PHACTR2: variants seen among roughly 807,000 people sequenced by gnomAD.
PHACTR2 encodes the protein chromosome 6 open reading frame 56.
PHACTR2 carries 30 observed loss-of-function variants against 76.0 expected under a neutral mutation model. That is an observed-to-expected ratio of 0.39 (90% CI 0.30 to 0.54). The LOEUF (loss-of-function observed/expected upper bound fraction) is 0.54, where lower values mean the gene tolerates loss of function less well. Among genes scored for constraint, PHACTR2 ranks in the 20% least tolerant of loss-of-function variants. The pLI, the probability that PHACTR2 is intolerant of heterozygous loss-of-function variation, is 0.61. For synonymous variants in PHACTR2, 292 were observed against 292.5 expected (o/e 1.00, Z 0.02); for missense variants, 696 against 781.1 (o/e 0.89, Z 1.30).
At chr6:143,719,381 C>A (rs1410504444) in intron 2 of PHACTR2, among the ~76,000 whole-genome samples, 1 of 129,250 alleles carries the variant, frequency 7.7e-6, no homozygotes, top group African/African-American at 2.9e-5. Flanking sequence ...GAGACAGAGT[C>A]TCACTCTCGC....
intron 2 of PHACTR2, among the ~76,000 whole-genome samples, chr6:143,723,504 T>C (rs768801192): frequency 1.3e-5 from 2 of 152,222 alleles, no homozygotes; most frequent in Non-Finnish European, 2.9e-5. Flanking sequence ...AGCTCCTCAG[T>C]GACCACTTTT....
chr6:143,748,202 G>A (rs1470630922), intron 2 of PHACTR2, among the ~76,000 whole-genome samples: 1 of 152,070 alleles, frequency 6.6e-6, no homozygotes, highest in East Asian at 1.9e-4. Flanking sequence ...AATAGCTGGG[G>A]TTACAGGTGC....
rs771723085 is a variant in PHACTR2, at chr6:143,775,645, A to G, written c.1589+1430A>G. ...TGTTTTGTACTTTCTACTCTATGTA[A>G]GAGAGTATATGCTTCTAGGTTTTCT... On this transcript the variant is annotated intron_variant, in intron 8 of 12. Transcript: ENST00000440869. This position sits in a 1 kb window ranked among gnomAD's most constrained non-coding sequence, Gnocchi z 4.4. Among the ~76,000 whole-genome samples, 1 of 152,224 alleles carries G rather than the reference A, an allele frequency of 6.6e-6. No individual in the cohort carries two copies. Among genetic ancestry groups the G allele is most frequent in the African/African-American group, 2.4e-5 (1 of 41,452 alleles).
At chr6:143,802,213 T>C (rs545585110) in intron 11 of PHACTR2, among the ~76,000 whole-genome samples, 18 of 152,278 alleles carry the variant, frequency 1.2e-4, no homozygotes, top group Non-Finnish European at 2.2e-4. Flanking sequence ...GCTTTGTTGT[T>C]GTTGTTGTTT....
rs142637402 is a variant in PHACTR2 at position 143,659,420 on chromosome 6, C to A, written c.13+51098C>A. On this transcript the variant is annotated intron_variant, in intron 1 of 11. Transcript: ENST00000305766. The surrounding 1 kb of genome is among the most constrained non-coding windows in gnomAD (Gnocchi z 5.0). The stretch of plus-strand genomic sequence containing the variant: ...GCAGTCAAGGTGTCAGTAGGGATGT[C>A]GTCTCATCCAAGGCTTGACTGAGGA... Among the ~76,000 whole-genome samples, 1 of 152,124 alleles carries A rather than the reference C, an allele frequency of 6.6e-6. No homozygotes were observed. The highest frequency in any genetic ancestry group is 2.4e-5 in the African/African-American group (1 of 41,416).
rs1443853157 is a variant in PHACTR2 at position 143,793,797 on chromosome 6, G to T, written c.1845+4887G>T. Among the ~76,000 whole-genome samples the T allele has an allele frequency of 1.3e-5, 2 of 151,986 alleles. No homozygotes were observed. Among genetic ancestry groups the T allele is most frequent in the East Asian group, 3.9e-4 (2 of 5,190 alleles). On this transcript the variant is annotated intron_variant, in intron 11 of 12. Coordinates refer to ENST00000440869, the MANE Select transcript of PHACTR2 (RefSeq NM_001100164.2). This position sits in a 1 kb window ranked among gnomAD's most constrained non-coding sequence, Gnocchi z 4.4. ...CCGGGTGTGGTGGCGCGTACCTGTA[G>T]TCCCAGCTACTCGGGAAGCTGAGGT...
intron 1 of PHACTR2, among the ~76,000 whole-genome samples, chr6:143,555,786 A>T (rs2128428114): frequency 6.6e-6 from 1 of 152,200 alleles, no homozygotes; most frequent in African/African-American, 2.4e-5. Context: ...GTTTTGGTGA[A>T]ATGTTGACGC....
intron 2 of PHACTR2, among the ~76,000 whole-genome samples, chr6:143,741,400 G>A (rs535548800): frequency 7.2e-5 from 11 of 152,330 alleles, no homozygotes; most frequent in Non-Finnish European, 1.6e-4. Flanking sequence ...GGCTGAGGCA[G>A]GAGAATCGCT....
chr6:143,767,509 C>T lies in PHACTR2; in HGVS notation c.1232+1711C>T, dbSNP rs560138908. On this transcript the variant is annotated intron_variant, in intron 6 of 12. Transcript: ENST00000440869. The surrounding 1 kb of genome is among the most constrained non-coding windows in gnomAD (Gnocchi z 4.4). ...GGAAAAGAAGATTTATTGAAATGAA[C>T]GGTTATGGTGTCTTTCTTAGGACAT... Among the ~76,000 whole-genome samples, 13 of 152,168 alleles carry T rather than the reference C, an allele frequency of 8.5e-5. No homozygotes were observed. Among genetic ancestry groups the T allele is most frequent in the South Asian group, 2.1e-4 (1 of 4,822 alleles).
In PHACTR2 at chr6:143,624,969, A is replaced by G. The variant is rs1175406369; in HGVS notation, c.13+16647A>G. On this transcript the variant is annotated intron_variant, in intron 1 of 11. Transcript: ENST00000305766. The surrounding 1 kb of genome is among the most constrained non-coding windows in gnomAD (Gnocchi z 4.6). ...TCAGGAGTACAAGACCAGCCTGGTC[A>G]ACATGGTGAAAACCCGTATCTACTG... 6.6e-6 allele frequency among the ~76,000 whole-genome samples: 1 copy of G among 152,148 alleles called. No homozygotes were observed. The highest frequency in any genetic ancestry group is 1.5e-5 in the Non-Finnish European group (1 of 68,024).
intron 12 of PHACTR2, among the ~76,000 whole-genome samples, chr6:143,815,260 G>A (rs956169682): frequency 2.6e-5 from 4 of 152,124 alleles, no homozygotes; most frequent in African/African-American, 9.7e-5. Context: ...TAGCCTCTCA[G>A]GTAGAACAAG....
In PHACTR2 at chr6:143,580,310, C is replaced by A. The variant is rs952745331; in HGVS notation, c.217+43103C>A. Among the ~76,000 whole-genome samples the A allele has an allele frequency of 2.6e-5, 4 of 152,078 alleles. No individual in the cohort carries two copies. The highest frequency in any genetic ancestry group is 2.6e-4 in the Admixed American group (4 of 15,268). On this transcript the variant is annotated intron_variant, in intron 1 of 11. Transcript: ENST00000367584. This position sits in a 1 kb window ranked among gnomAD's most constrained non-coding sequence, Gnocchi z 4.2. ...ACCATCTTGGCCAACACGGTGAAAC[C>A]CCGTCTCTACTAAAAATACAAAAAA...
At chr6:143,626,536 C>CAAAAAAAAAAAAAAAAAAAAAAAAAA (rs35107482) in intron 1 of PHACTR2, among the ~76,000 whole-genome samples, 35 of 122,252 alleles carry the variant, frequency 2.9e-4, no homozygotes, top group African/African-American at 8.2e-4. Context: ...GACTCCGTCT[C>CAAAAAAAAAAAAAAAAAAAAAAAAAA]AAAAAAAAAA....
chr6:143,657,034 G>GAGA (rs1484533121), intron 1 of PHACTR2, among the ~76,000 whole-genome samples: 1 of 149,176 alleles, frequency 6.7e-6, no homozygotes, highest in African/African-American at 2.5e-5. Flanking sequence ...GTTGAACAAT[G>GAGA]AGAACACATG....
intron 11 of PHACTR2, among the ~76,000 whole-genome samples, chr6:143,792,771 C>T (rs1582886272): frequency 6.6e-6 from 1 of 152,148 alleles, no homozygotes; most frequent in African/African-American, 2.4e-5. Flanking sequence ...ATGGCCTCTT[C>T]AGCATGGTGG....
intron 11 of PHACTR2, among the ~76,000 whole-genome samples, chr6:143,799,204 TTG>T (rs1300252169): frequency 1.3e-5 from 2 of 152,212 alleles, no homozygotes; most frequent in Non-Finnish European, 1.5e-5. Flanking sequence ...TGATGGTAGT[TTG>T]TGTTTCTGTG....
chr6:143,555,305 T>G (rs1182493638), intron 1 of PHACTR2: 1 of 152,150 alleles, frequency 6.6e-6, no homozygotes, highest in Non-Finnish European at 1.5e-5. Flanking sequence ...ATTCAGGATA[T>G]TTTCTTGGGG....
At chr6:143,745,845 A>G (rs2128469102) in intron 2 of PHACTR2, among the ~76,000 whole-genome samples, 1 of 152,388 alleles carries the variant, frequency 6.6e-6, no homozygotes, top group East Asian at 1.9e-4. Context: ...AGGTAGAGCA[A>G]AAGAACAAAG....
chr6:143,582,241 C>T (rs1775584476), intron 1 of PHACTR2, among the ~76,000 whole-genome samples: 1 of 152,160 alleles, frequency 6.6e-6, no homozygotes, highest in African/African-American at 2.4e-5. Context: ...GCCCAGGTTT[C>T]CTGCAATTCC....
Sources: allele counts gnomAD v4.1 joint callset (sites outside exome capture counted in the v4.1 genomes callset), GRCh38; gene constraint gnomAD v4.1.1; non-coding constraint Gnocchi (gnomAD v3.1); transcripts MANE v1.5; gene names NCBI Gene and HGNC (gene_info 2026-07-23, HGNC 2026-07-21).